The following CNTNAP4 variants were observed in gnomAD, a reference collection of about 807,000 sequenced individuals.
The protein encoded by CNTNAP4 is contactin-associated protein-like 4.
In CNTNAP4, 98 loss-of-function variants were observed where a neutral mutation model predicts 148.4. The ratio of observed to expected loss-of-function variants is 0.66; its 90% CI spans 0.56 to 0.78. The LOEUF (loss-of-function observed/expected upper bound fraction) is 0.78, where lower values mean the gene tolerates loss of function less well. CNTNAP4 is among the 30% of genes least tolerant of loss of function. The pLI, the probability that CNTNAP4 is intolerant of heterozygous loss-of-function variation, is 0.00. For missense variants in CNTNAP4, 1,935 were observed against 1,565.6 expected (o/e 1.24, Z -3.98); for synonymous variants, 730 against 565.1 (o/e 1.29, Z -4.14).
intron 2 of CNTNAP4, among the ~76,000 whole-genome samples, chr16:76,344,875 A>T (rs1195172106): frequency 6.6e-6 from 1 of 152,138 alleles, no homozygotes; most frequent in Non-Finnish European, 1.5e-5. Context: ...GTGGGTATAT[A>T]ATGTACTCAT....
Position 76,355,337 on chromosome 16 carries a change from A to G in CNTNAP4, c.216A>G (p.Pro72=), listed in dbSNP as rs371784566. 8.5e-5 allele frequency: 135 copies of G among 1,581,278 alleles called. No individual in the cohort carries two copies. The highest frequency in any genetic ancestry group is 1.1e-4 in the Non-Finnish European group (132 of 1,164,920). The change falls in exon 3 of 24, where the codon CCA becomes CCG. Residue 72 remains proline, a synonymous_variant. Transcript: ENST00000611870. ...TAAAAGGAGCTGGTGGCTGGTCTCC[A>G]CTTGTGTCTAACAAATACCAGTGGT... ...NRRDGAGGWS[P]LVSNKYQWLQ... is the part of the protein sequence containing the mutation.
chr16:76,346,432 TAAA>T (rs59482710), intron 2 of CNTNAP4, among the ~76,000 whole-genome samples: 38 of 123,712 alleles, frequency 3.1e-4, no homozygotes, highest in Admixed American at 3.4e-4. Flanking sequence ...CTAGGGAAGA[TAAA>T]AAAAAAAAAA....
intron 1 of CNTNAP4, 35 bp from the exon 2 acceptor site, chr16:76,316,374 CACTA>C (rs778333494): frequency 3.7e-6 from 5 of 1,355,914 alleles, no homozygotes; most frequent in Admixed American, 1.7e-5. Flanking sequence ...AAAGCCTCAG[CACTA>C]ACTAACCCTA....
rs562611751 is a variant in CNTNAP4, at chr16:76,492,967, G to C, written c.2081-1943G>C. Among the ~76,000 whole-genome samples, 317 of 143,762 alleles carry C rather than the reference G, an allele frequency of 2.2e-3. 2 individuals carry two copies. The highest frequency in any genetic ancestry group is 7.5e-3 in the African/African-American group (296 of 39,536). 94.3% of individuals were successfully genotyped at this position (143,762 alleles called of 152,430 possible). On this transcript the variant is annotated intron_variant, in intron 13 of 23. Coordinates refer to ENST00000611870, the MANE Select transcript of CNTNAP4 (RefSeq NM_033401.5). The stretch of plus-strand genomic sequence containing the variant: ...TTGCACACTTTTTTTTTTTTTTAAT[G>C]CTTCCCTGGTCTTTCAGGCTCAATA...
intron 2 of CNTNAP4, among the ~76,000 whole-genome samples, chr16:76,317,317 A>C (rs1349851969): frequency 3.4e-5 from 5 of 149,182 alleles, no homozygotes; most frequent in African/African-American, 7.4e-5. Flanking sequence ...AAAAAAAAAA[A>C]CTCAGTTCAT....
At chr16:76,463,763 C>A (rs1260568211) in intron 9 of CNTNAP4, among the ~76,000 whole-genome samples, 1 of 152,114 alleles carries the variant, frequency 6.6e-6, no homozygotes, top group Non-Finnish European at 1.5e-5. Flanking sequence ...TGTATCATAT[C>A]TTTTGATCTC....
At chr16:76,497,218 G>A (rs1409259254) in intron 14 of CNTNAP4, among the ~76,000 whole-genome samples, 1 of 152,046 alleles carries the variant, frequency 6.6e-6, no homozygotes, top group Non-Finnish European at 1.5e-5. Context: ...TATAACATAT[G>A]GATTTACAAT....
rs2080347977 is a variant in CNTNAP4, at chr16:76,448,817, A to G, written c.793A>G (p.Ser265Gly). The G allele has an allele frequency of 6.2e-7, 1 of 1,612,222 alleles. No homozygotes were observed. The highest frequency in any genetic ancestry group is 8.5e-7 in the Non-Finnish European group (1 of 1,179,270). The change falls in exon 6 of 24, where the codon AGC (serine) becomes GGC (glycine). Residue 265 changes from serine to glycine, a missense_variant. By Grantham distance (56) the Ser-to-Gly change is moderately conservative. Coordinates refer to ENST00000611870, the MANE Select transcript of CNTNAP4 (RefSeq NM_033401.5). ...CACCCTGGTCAATCTCACCCTGGGC[A>G]GCCTGCTAGATGATCAGCATTGGCA... The part of the protein sequence containing the change: ...TSTLVNLTLG[S>G]LLDDQHWHSV...
At chr16:76,307,681 C>T (rs1487565149) in intron 1 of CNTNAP4, among the ~76,000 whole-genome samples, 1 of 151,822 alleles carries the variant, frequency 6.6e-6, no homozygotes, top group Non-Finnish European at 1.5e-5. Context: ...ATCTCTGATG[C>T]TCTCTTTACT....
At chr16:76,359,711 A>G (rs771305552) in intron 3 of CNTNAP4, among the ~76,000 whole-genome samples, 3 of 152,230 alleles carry the variant, frequency 2.0e-5, no homozygotes, top group Admixed American at 1.3e-4. Context: ...ATGGCAAACA[A>G]ATATTTTATG....
At chr16:76,494,855 A>C in intron 13 of CNTNAP4, 55 bp from the exon 14 acceptor site, 1 of 1,514,708 alleles carries the variant, frequency 6.6e-7, no homozygotes, top group Non-Finnish European at 9.1e-7. Flanking sequence ...TTATATTGGG[A>C]GAGAAGGTGG....
chr16:76,501,256 G>C (rs1861211988), intron 15 of CNTNAP4, among the ~76,000 whole-genome samples: 1 of 152,214 alleles, frequency 6.6e-6, no homozygotes, highest in Non-Finnish European at 1.5e-5. Flanking sequence ...GATGCATCCA[G>C]GAGAGTGTAA....
chr16:76,288,570 A>G (rs1368435157), intron 1 of CNTNAP4, among the ~76,000 whole-genome samples: 1 of 152,194 alleles, frequency 6.6e-6, no homozygotes, highest in East Asian at 1.9e-4. Context: ...CTCTAGCAGA[A>G]ATTTCATAGC....
At chr16:76,313,386 G>A (rs1380196303) in intron 1 of CNTNAP4, among the ~76,000 whole-genome samples, 1 of 152,076 alleles carries the variant, frequency 6.6e-6, no homozygotes, top group Non-Finnish European at 1.5e-5. Context: ...ACCCACATGT[G>A]CGCCCTCCTT....
intron 2 of CNTNAP4, among the ~76,000 whole-genome samples, chr16:76,318,994 T>A (rs1358413090): frequency 6.6e-6 from 1 of 151,736 alleles, no homozygotes; most frequent in African/African-American, 2.4e-5. Context: ...AGCAAAAAAA[T>A]GAGAAAGTTA....
chr16:76,355,442 C>A lies in CNTNAP4; in HGVS notation c.321C>A (p.Thr107=), dbSNP rs773373872. 2 of 1,613,092 alleles carry A rather than the reference C, an allele frequency of 1.2e-6. No homozygotes were observed. Among genetic ancestry groups the A allele is most frequent in the African/African-American group, 2.7e-5 (2 of 74,826 alleles). ...QGGYGSSNWV[T]SYLLMFSDSG... is the part of the protein sequence containing the mutation. ...GATATGGTAGCTCCAACTGGGTGAC[C>A]AGCTACCTCCTGATGTTCAGTGATA... is the stretch of plus-strand genomic sequence containing the variant. The change falls in exon 3 of 24, where the codon ACC becomes ACA. Residue 107 remains threonine (T), a synonymous_variant. Transcript: ENST00000611870.
chr16:76,291,562 T>A (rs1243904932), intron 1 of CNTNAP4, among the ~76,000 whole-genome samples: 1 of 152,188 alleles, frequency 6.6e-6, no homozygotes, highest in Admixed American at 6.5e-5. Flanking sequence ...TGCTGTGATT[T>A]GCTCTGTGTG....
At chr16:76,313,012 A>G (rs1270028161) in intron 1 of CNTNAP4, among the ~76,000 whole-genome samples, 2 of 152,188 alleles carry the variant, frequency 1.3e-5, no homozygotes, top group Admixed American at 6.5e-5. Context: ...TAATAATGCC[A>G]TGTAACCACC....
At chr16:76,298,511 TGTGTGTG>T in intron 1 of CNTNAP4, among the ~76,000 whole-genome samples, 1 of 150,340 alleles carries the variant, frequency 6.7e-6, no homozygotes, top group African/African-American at 2.4e-5. Flanking sequence ...TGTGTGTGTG[TGTGTGTG>T]TGTGTGTGTG....
Sources: allele counts gnomAD v4.1 joint callset (sites outside exome capture counted in the v4.1 genomes callset), GRCh38; gene constraint gnomAD v4.1.1; transcripts MANE v1.5; gene names NCBI Gene and HGNC (gene_info 2026-07-23, HGNC 2026-07-21).